The following HAS3 variants were observed in gnomAD, a reference collection of about 807,000 sequenced individuals.
HAS3 encodes the protein HA synthase 3.
In HAS3, 27 loss-of-function variants were observed where a neutral mutation model predicts 50.3. The observed-to-expected ratio is 0.54, with a 90% CI of 0.40 to 0.74. The LOEUF is 0.74. Among genes scored for constraint, HAS3 ranks in the 30% least tolerant of loss-of-function variants. HAS3 has a pLI of 0.00. For missense variants in HAS3, 517 were observed against 742.8 expected, an observed-to-expected ratio of 0.70 and a Z score of 3.53; for synonymous variants, 339 against 310.9, an observed-to-expected ratio of 1.09 and a Z score of -0.95.
At chr16:69,104,893 A>G (rs1284224103), upstream of HAS3, among the ~76,000 whole-genome samples, 1 of 151,298 alleles carries the variant, frequency 6.6e-6, no homozygotes, top group African/African-American at 2.4e-5. Context: ...AGAAGTTTAT[A>G]GACTGCAGCT....
chr16:69,101,101 T>C (rs1308953046), upstream of HAS3, among the ~76,000 whole-genome samples: 1 of 152,110 alleles, frequency 6.6e-6, no homozygotes, highest in Non-Finnish European at 1.5e-5. Context: ...CCCCAAACAG[T>C]ACTTGCAATC....
chr16:69,113,242 C>T (rs1837566186), intron 2 of HAS3, among the ~76,000 whole-genome samples, 199 bp from the exon 3 acceptor site: 1 of 152,224 alleles, frequency 6.6e-6, no homozygotes, highest in Admixed American at 6.5e-5. Flanking sequence ...GCTGTCAAGT[C>T]TGGTAGCTGT....
chr16:69,118,158 C>T (rs768480199), downstream of HAS3: 281 of 447,552 alleles, frequency 6.3e-4, 1 homozygote, highest in Non-Finnish European at 8.7e-4. Flanking sequence ...TTCCCATCCA[C>T]ATCAGTTTAA....
rs372670365 is a variant in HAS3 at position 69,114,608 on chromosome 16, C to T, written c.1004C>T (p.Ala335Val). The T allele has an allele frequency of 3.7e-6, 6 of 1,614,054 alleles. No individual in the cohort carries two copies. The highest frequency in any genetic ancestry group is 1.1e-5 in the South Asian group (1 of 91,074). Reference protein sequence around the residue: ...LSLGYRTKYTARSKCLTETPT... With the variant: ...LSLGYRTKYTVRSKCLTETPT... ...CTTGGCTACCGAACTAAGTATACCGCGCGCTCCAAGTGCCTCACAGAGACC... is the reference window on the plus strand; with the variant it reads ...CTTGGCTACCGAACTAAGTATACCGTGCGCTCCAAGTGCCTCACAGAGACC... Residue 335 changes from alanine (A) to valine (V), a missense_variant, in exon 4 of 4, where the codon GCG (alanine) becomes GTG (valine). Coordinates refer to ENST00000569188, the MANE Select transcript of HAS3 (RefSeq NM_001199280.2). The surrounding 1 kb of genome is among the most constrained non-coding windows in gnomAD (Gnocchi z 6.4).
At chr16:69,087,638 T>A in the HAS3 span, among the ~76,000 whole-genome samples, 1 of 150,108 alleles carries the variant, frequency 6.7e-6, no homozygotes, top group Non-Finnish European at 1.5e-5. Flanking sequence ...GACCTCATGA[T>A]CCACCTGCCT....
chr16:69,095,998 T>A, the HAS3 span, among the ~76,000 whole-genome samples: 5 of 149,680 alleles, frequency 3.3e-5, no homozygotes, highest in Admixed American at 3.4e-4. Context: ...GTGGATCACT[T>A]GAGGTCAGGA....
At chr16:69,100,239 T>C in the HAS3 span, among the ~76,000 whole-genome samples, 1 of 152,208 alleles carries the variant, frequency 6.6e-6, no homozygotes, top group Non-Finnish European at 1.5e-5. Flanking sequence ...GGTAGCTGCC[T>C]TGCTGTAGTC....
In HAS3 at chr16:69,109,737, T is replaced by C; in HGVS notation, c.342T>C (p.Pro114=). ...GCTCGGCCCAGCGCATCTCCTTCCC[T>C]GACCTCAAGGTGGTCATGGTGGTGG... ...CLRSAQRISF[P]DLKVVMVVDG... is the part of the protein sequence containing the mutation. The change falls in exon 2 of 4, where the codon CCT becomes CCC. Residue 114 remains proline, a synonymous_variant. Coordinates refer to ENST00000569188, the MANE Select transcript of HAS3 (RefSeq NM_001199280.2). The surrounding 1 kb of genome is among the most constrained non-coding windows in gnomAD (Gnocchi z 5.3). 6.2e-7 allele frequency: 1 copy of C among 1,611,362 alleles called. No individual in the cohort carries two copies. The highest frequency in any genetic ancestry group is 1.1e-5 in the South Asian group (1 of 91,082).
chr16:69,117,656 G>A lies in HAS3; in HGVS notation c.*2390G>A, dbSNP rs997769905. The A allele has an allele frequency of 2.0e-5, 19 of 958,678 alleles. No homozygotes were observed. The highest frequency in any genetic ancestry group is 2.1e-5 in the Non-Finnish European group (17 of 807,170). The allele number at this position is 958,678 out of a possible 1,614,324, so 59.4% of individuals were successfully genotyped here. On this transcript the variant is annotated 3_prime_UTR_variant, in exon 4 of 4. Coordinates refer to ENST00000569188, the MANE Select transcript of HAS3 (RefSeq NM_001199280.2). ...CAAAATAAAGATTCTCACATATGCCGGTTATCTCGAAACTACTACTTTGTA... is the reference window on the plus strand; with the variant it reads ...CAAAATAAAGATTCTCACATATGCCAGTTATCTCGAAACTACTACTTTGTA...
upstream of HAS3, among the ~76,000 whole-genome samples, chr16:69,101,958 G>A (rs981976259): frequency 2.0e-5 from 3 of 151,970 alleles, no homozygotes; most frequent in African/African-American, 4.8e-5. Flanking sequence ...CTAATTTTTT[G>A]TATCTTTAGC....
Position 69,107,533 on chromosome 16 carries a change from G to A in HAS3, c.-1+1746G>A. 1 of 985,574 alleles carries A rather than the reference G, an allele frequency of 1.0e-6. No homozygotes were observed. The highest frequency in any genetic ancestry group is 1.2e-6 in the Non-Finnish European group (1 of 830,038). 61.1% of individuals were successfully genotyped at this position (985,574 alleles called of 1,614,324 possible). A position where few individuals can be genotyped will look rare whatever the true frequency, so the allele number is the denominator to read the frequency against. On this transcript the variant is annotated intron_variant, in intron 1 of 3. Coordinates refer to ENST00000569188, the MANE Select transcript of HAS3 (RefSeq NM_001199280.2). The surrounding 1 kb of genome is among the most constrained non-coding windows in gnomAD (Gnocchi z 5.5). ...GGCGAGGCTCGAGCGGGGATGAGAA[G>A]CGTGGCGAGTGCGTTCGCGGCTGCT...
chr16:69,088,110 G>C, the HAS3 span, among the ~76,000 whole-genome samples: 1 of 152,126 alleles, frequency 6.6e-6, no homozygotes, highest in African/African-American at 2.4e-5. Context: ...GTGTAGGAAA[G>C]CAAACCACAA....
chr16:69,086,099 C>G, the HAS3 span, among the ~76,000 whole-genome samples: 1 of 151,884 alleles, frequency 6.6e-6, no homozygotes, highest in Non-Finnish European at 1.5e-5. Context: ...AACTCCTAGG[C>G]TCAAGCAATC....
At chr16:69,100,398 G>A in the HAS3 span, among the ~76,000 whole-genome samples, 1 of 152,196 alleles carries the variant, frequency 6.6e-6, no homozygotes, top group African/African-American at 2.4e-5. Context: ...AGCTTCAAGA[G>A]GTTTTCATGG....
chr16:69,089,872 A>G, the HAS3 span, among the ~76,000 whole-genome samples: 31 of 152,164 alleles, frequency 2.0e-4, 1 homozygote, highest in African/African-American at 5.6e-4. Context: ...TTTGTAACAC[A>G]GTGTTGCAAG....
intron 3 of HAS3, 147 bp downstream of exon 3, chr16:69,113,689 GC>G (rs1961085259): frequency 3.4e-6 from 2 of 595,242 alleles, no homozygotes; most frequent in Non-Finnish European, 6.0e-6. Context: ...CAAAGAGCTC[GC>G]CCCCCTCACT....
chr16:69,100,322 C>T, the HAS3 span, among the ~76,000 whole-genome samples: 4 of 152,178 alleles, frequency 2.6e-5, no homozygotes, highest in African/African-American at 9.7e-5. Context: ...AGAGAAAGCC[C>T]TGTTTGGGCA....
In HAS3 at chr16:69,115,898, C is replaced by T. The variant is rs1961163317; in HGVS notation, c.*632C>T. 2.0e-6 allele frequency: 2 copies of T among 985,704 alleles called. No homozygotes were observed. Among genetic ancestry groups the T allele is most frequent in the South Asian group, 4.7e-5 (1 of 21,290 alleles). 61.1% of individuals were successfully genotyped at this position (985,704 alleles called of 1,614,324 possible). A position where few individuals can be genotyped will look rare whatever the true frequency, so the allele number is the denominator to read the frequency against. On this transcript the variant is annotated 3_prime_UTR_variant, in exon 4 of 4. Transcript: ENST00000569188. ...GAGCCAAACCAGCAGGGAGTTAGCA[C>T]TGAACTGCTTTTAAAAGTGCACATT...
At chr16:69,104,108 T>C (rs1166654140), upstream of HAS3, among the ~76,000 whole-genome samples, 3 of 152,086 alleles carry the variant, frequency 2.0e-5, no homozygotes, top group African/African-American at 4.8e-5. Context: ...AATTTGTTTT[T>C]GAGACAGCGT....
Sources: allele counts gnomAD v4.1 joint callset (sites outside exome capture counted in the v4.1 genomes callset), GRCh38; gene constraint gnomAD v4.1.1; non-coding constraint Gnocchi (gnomAD v3.1); transcripts MANE v1.5; gene names NCBI Gene and HGNC (gene_info 2026-07-23, HGNC 2026-07-21).